CCDC6: variants seen among roughly 807,000 people sequenced by gnomAD.
The protein encoded by CCDC6 is coiled-coil domain containing 6, also known as coiled-coil domain-containing protein 6.
CCDC6 carries 20 observed loss-of-function variants against 56.6 expected under a neutral mutation model. That is an observed-to-expected ratio of 0.35 (90% CI 0.25 to 0.51). The LOEUF is 0.51. CCDC6 is among the 20% of genes least tolerant of loss of function. The probability of loss-of-function intolerance (pLI) is 0.95; values close to 1 mark genes in which losing one functional copy is unlikely to be tolerated. For missense variants in CCDC6, 367 were observed against 601.1 expected (o/e 0.61, Z 4.07); for synonymous variants, 241 against 234.4 (o/e 1.03, Z -0.26).
At chr10:59,793,237 CT>C (rs2132618933) in intron 8 of CCDC6, 126 bp from the exon 9 acceptor site, 1 of 697,906 alleles carries the variant, frequency 1.4e-6, no homozygotes, top group Non-Finnish European at 2.4e-6. Context: ...CCAGGGATTT[CT>C]TTCTTCATCC....
chr10:59,862,490 GA>G (rs1223111708), intron 1 of CCDC6, among the ~76,000 whole-genome samples: 8 of 66,588 alleles, frequency 1.2e-4, no homozygotes, highest in South Asian at 1.0e-3. Context: ...TCTGTCTCAA[GA>G]AAAAAAAAAG....
intron 3 of CCDC6, 99 bp downstream of exon 3, chr10:59,832,426 A>G: frequency 2.5e-6 from 3 of 1,191,838 alleles, no homozygotes; most frequent in Non-Finnish European, 3.5e-6. Context: ...GAAAGCTGAA[A>G]ACTACTTTTC....
rs72280811 is a variant in CCDC6, at chr10:59,797,683, T to TTGTGTGTGTG, written c.1106-3096_1106-3087dup. Among the ~76,000 whole-genome samples the TTGTGTGTGTG allele has an allele frequency of 2.6e-3, 366 of 140,616 alleles. 2 individuals carry two copies. The highest frequency in any genetic ancestry group is 9.3e-3 in the African/African-American group (351 of 37,704). The allele number at this position is 140,616 out of a possible 152,430, so 92.2% of individuals were successfully genotyped here. A position where few individuals can be genotyped will look rare whatever the true frequency, so the allele number is the denominator to read the frequency against. ...GTGAGAGAGAGAGAGAGTGAGAGTG[T>TTGTGTGTGTG]TGTGTGTGTGTGTGTGTGTGTGTGT... On this transcript the variant is annotated intron_variant, in intron 7 of 8. Coordinates refer to ENST00000263102, the MANE Select transcript of CCDC6 (RefSeq NM_005436.5).
chr10:59,798,885 TCAGGAGGCTGAGG>T (rs2070548298), intron 7 of CCDC6, among the ~76,000 whole-genome samples: 1 of 150,174 alleles, frequency 6.7e-6, no homozygotes, highest in African/African-American at 2.5e-5. Flanking sequence ...TCCCAGCTAC[TCAGGAGGCTGAGG>T]CAGGAGAATC....
chr10:59,892,330 G>A (rs902826413), intron 1 of CCDC6, among the ~76,000 whole-genome samples: 5 of 152,190 alleles, frequency 3.3e-5, no homozygotes, highest in Admixed American at 2.6e-4. Context: ...TTTAGGAAGT[G>A]TGTTTACCTC....
At chr10:59,797,464 A>C (rs963367026) in intron 7 of CCDC6, among the ~76,000 whole-genome samples, 2 of 151,888 alleles carry the variant, frequency 1.3e-5, no homozygotes, top group South Asian at 2.1e-4. Context: ...ACAAGAATAA[A>C]GTGGAGAAAA....
At chr10:59,884,243 C>CA (rs1032830870) in intron 1 of CCDC6, among the ~76,000 whole-genome samples, 3 of 151,764 alleles carry the variant, frequency 2.0e-5, no homozygotes, top group East Asian at 1.9e-4. Context: ...TCAAAACAAA[C>CA]AAAAAAATAA....
At chr10:59,843,462 T>C (rs1354083436) in intron 2 of CCDC6, among the ~76,000 whole-genome samples, 1 of 152,210 alleles carries the variant, frequency 6.6e-6, no homozygotes, top group Non-Finnish European at 1.5e-5. Context: ...ATGTTTCCAG[T>C]TTCCTGCCAA....
chr10:59,803,588 C>T (rs2070594600), intron 7 of CCDC6, among the ~76,000 whole-genome samples: 1 of 152,174 alleles, frequency 6.6e-6, no homozygotes, highest in African/African-American at 2.4e-5. Context: ...TTCTTTCCTC[C>T]CCCTACTCCA....
intron 1 of CCDC6, among the ~76,000 whole-genome samples, chr10:59,863,062 T>C (rs531579833): frequency 6.6e-6 from 1 of 151,894 alleles, no homozygotes; most frequent in African/African-American, 2.4e-5. Flanking sequence ...AAATACAATA[T>C]GAATAAAGCT....
At chr10:59,878,406 C>T (rs933819044) in intron 1 of CCDC6, among the ~76,000 whole-genome samples, 20 of 152,170 alleles carry the variant, frequency 1.3e-4, no homozygotes, top group African/African-American at 4.6e-4. Context: ...CCTTCCTTCC[C>T]TTTCCTTTCT....
intron 1 of CCDC6, among the ~76,000 whole-genome samples, chr10:59,877,767 C>A (rs2071297164): frequency 6.6e-6 from 1 of 152,172 alleles, no homozygotes; most frequent in Non-Finnish European, 1.5e-5. Context: ...AACTGTCACT[C>A]CAGACATCCA....
At chr10:59,795,135 C>T (rs945764920) in intron 7 of CCDC6, among the ~76,000 whole-genome samples, 1 of 151,350 alleles carries the variant, frequency 6.6e-6, no homozygotes. Flanking sequence ...TAAAAAGTGT[C>T]TGCGCTAAGG....
At chr10:59,837,746 C>CAAAA (rs397940135) in intron 2 of CCDC6, among the ~76,000 whole-genome samples, 6,413 of 48,482 alleles carry the variant, frequency 0.13, 724 homozygotes, top group East Asian at 0.15. Flanking sequence ...GACTCTGTCT[C>CAAAA]AAAAAAAAAA....
intron 1 of CCDC6, among the ~76,000 whole-genome samples, chr10:59,890,648 G>A (rs1234035786): frequency 1.3e-5 from 2 of 152,152 alleles, no homozygotes; most frequent in Non-Finnish European, 2.9e-5. Context: ...TGGCTTAGAG[G>A]TTAGCTAAAT....
Position 59,804,838 on chromosome 10 carries a change from A to C in CCDC6, c.1005-318T>G, listed in dbSNP as rs532005363. 59 of 255,034 alleles carry C rather than the reference A, an allele frequency of 2.3e-4. No individual in the cohort carries two copies. In the South Asian group the frequency reaches 3.5e-3, roughly 15 times the overall value. The allele number at this position is 255,034 out of a possible 1,614,324, so 15.8% of individuals were successfully genotyped here. ...TCACACAACAGCTATGTTGAAATTC[A>C]CCTCCACTGTCCCAAGAGTTACAAA... On this transcript the variant is annotated intron_variant, in intron 6 of 8. Coordinates refer to ENST00000263102, the MANE Select transcript of CCDC6 (RefSeq NM_005436.5).
At chr10:59,865,654 C>A (rs1016719039) in intron 1 of CCDC6, among the ~76,000 whole-genome samples, 1 of 151,862 alleles carries the variant, frequency 6.6e-6, no homozygotes, top group Non-Finnish European at 1.5e-5. Flanking sequence ...GAGATAGAGA[C>A]CATCCTGGCC....
intron 1 of CCDC6, among the ~76,000 whole-genome samples, chr10:59,865,462 A>C (rs980583350): frequency 4.6e-5 from 7 of 152,332 alleles, no homozygotes; most frequent in Middle Eastern, 3.4e-3. Flanking sequence ...AAAGGAAATT[A>C]AAAACAACAA....
chr10:59,833,364 G>A (rs991834342), intron 2 of CCDC6, among the ~76,000 whole-genome samples: 16 of 152,194 alleles, frequency 1.1e-4, no homozygotes, highest in Middle Eastern at 3.4e-3. Flanking sequence ...CAAGAGAATC[G>A]CTTGAACCCA....
Sources: gnomAD v4.1 joint callset for allele counts (sites outside exome capture counted in the v4.1 genomes callset) on GRCh38, gnomAD v4.1.1 for gene constraint, MANE v1.5 for transcripts, NCBI Gene and HGNC (gene_info 2026-07-23, HGNC 2026-07-21) for gene names.